Variants in IDH2 observed in about 807,000 individuals in gnomAD.
IDH2 encodes the protein isocitrate dehydrogenase [NADP], mitochondrial.
A neutral mutation model predicts 50.5 loss-of-function variants in IDH2; 18 were observed. That is an observed-to-expected ratio of 0.36 (90% CI 0.25 to 0.53). IDH2 has a LOEUF of 0.53. IDH2 is among the 20% of genes least tolerant of loss of function. The pLI, the probability that IDH2 is intolerant of heterozygous loss-of-function variation, is 0.92. For synonymous variants in IDH2, 280 were observed against 239.8 expected, an observed-to-expected ratio of 1.17 and a Z score of -1.55; for missense variants, 518 against 610.7, an observed-to-expected ratio of 0.85 and a Z score of 1.60.
Position 90,085,237 on chromosome 15 carries a change from G to A in IDH2, c.1080+38C>T. On this transcript the variant is annotated intron_variant, in intron 8 of 10. Coordinates refer to ENST00000330062, the MANE Select transcript of IDH2 (RefSeq NM_002168.4). The surrounding 1 kb of genome is among the most constrained non-coding windows in gnomAD (Gnocchi z 5.5). ...GCCCAGTGGGCTTTAGGCCCCTGGG[G>A]TAGAGGGGCATTGTGAGGCCCCATG... is the stretch of plus-strand genomic sequence containing the variant. The A allele has an allele frequency of 6.6e-7, 1 of 1,514,774 alleles. No individual in the cohort carries two copies. Among genetic ancestry groups the A allele is most frequent in the South Asian group, 1.2e-5 (1 of 85,926 alleles). 93.8% of individuals were successfully genotyped at this position (1,514,774 alleles called of 1,614,324 possible).
chr15:90,091,177 C>G (rs1039955733), intron 2 of IDH2, among the ~76,000 whole-genome samples: 14 of 152,234 alleles, frequency 9.2e-5, no homozygotes, highest in Admixed American at 2.6e-4. Flanking sequence ...CTCGTCACAA[C>G]TGCAGGCTGG....
intron 1 of IDH2, among the ~76,000 whole-genome samples, chr15:90,095,639 C>G (rs988268017): frequency 6.6e-6 from 1 of 152,170 alleles, no homozygotes; most frequent in Non-Finnish European, 1.5e-5. Flanking sequence ...GTCAAACCCT[C>G]AGAGACCACA....
chr15:90,094,875 C>A (rs554611699), intron 1 of IDH2, among the ~76,000 whole-genome samples: 2 of 151,102 alleles, frequency 1.3e-5, no homozygotes, highest in African/African-American at 4.9e-5. Flanking sequence ...GCACTCCAGC[C>A]TGGGCAACAG....
Position 90,084,290 on chromosome 15 carries a change from C to A in IDH2, c.1335G>T (p.Leu445=). 6.2e-7 allele frequency: 1 copy of A among 1,614,062 alleles called. No homozygotes were observed. Among genetic ancestry groups the A allele is most frequent in the Non-Finnish European group, 8.5e-7 (1 of 1,180,016 alleles). ...CCTACTGCCTGCCCAGGGCTCTGTC[C>A]AGGTTGCTCTTGATGGTGTCGAGGA... ...TDFLDTIKSN[L]DRALGRQ The change falls in exon 11 of 11, where the codon CTG becomes CTT. Residue 445 remains leucine, a synonymous_variant. Transcript: ENST00000330062. The surrounding 1 kb of genome is among the most constrained non-coding windows in gnomAD (Gnocchi z 5.0).
chr15:90,088,935 A>G (rs977994196), intron 3 of IDH2, among the ~76,000 whole-genome samples, 188 bp from the exon 4 acceptor site: 1 of 104,506 alleles, frequency 9.6e-6, no homozygotes, highest in Non-Finnish European at 1.9e-5. Context: ...TTTTTTTGAG[A>G]CAGAGTTTTG....
chr15:90,102,240 G>A (rs898792159), intron 1 of IDH2, 36 bp downstream of exon 1: 2 of 924,418 alleles, frequency 2.2e-6, no homozygotes, highest in East Asian at 7.2e-5. Flanking sequence ...GCAGCTGGGG[G>A]CGCGCGCCTG....
rs1901294225 is a variant in IDH2 at position 90,100,277 on chromosome 15, C to T, written c.115+1999G>A. Among the ~76,000 whole-genome samples, 1 of 152,178 alleles carries T rather than the reference C, an allele frequency of 6.6e-6. No homozygotes were observed. Among genetic ancestry groups the T allele is most frequent in the African/African-American group, 2.4e-5 (1 of 41,432 alleles). On this transcript the variant is annotated intron_variant, in intron 1 of 10. Transcript: ENST00000330062. The surrounding 1 kb of genome is among the most constrained non-coding windows in gnomAD (Gnocchi z 4.1). ...CCAGTAATCTGAGAGCAGTTTCCAG[C>T]ACCTCATACCCTGAATGGAACCAGC...
rs369320764 is a variant in IDH2, at chr15:90,100,110, C to T, written c.115+2166G>A. Among the ~76,000 whole-genome samples the T allele has an allele frequency of 2.6e-5, 4 of 152,148 alleles. No homozygotes were observed. The highest frequency in any genetic ancestry group is 9.7e-5 in the African/African-American group (4 of 41,420). On this transcript the variant is annotated intron_variant, in intron 1 of 10. Transcript: ENST00000330062. The surrounding 1 kb of genome is among the most constrained non-coding windows in gnomAD (Gnocchi z 4.1). The stretch of plus-strand genomic sequence containing the variant: ...ACCAGCAGCCTGCACCAGATGTACA[C>T]GGGTGGCATCTCTCTCCAGCAATAG...
intron 7 of IDH2, among the ~76,000 whole-genome samples, chr15:90,086,417 GAGTTTCA>G (rs1009971522): frequency 2.0e-5 from 3 of 151,784 alleles, no homozygotes; most frequent in African/African-American, 7.3e-5. Context: ...TTTGGAGACG[GAGTTTCA>G]CCCTTGTTGC....
chr15:90,095,242 A>G (rs985687025), intron 1 of IDH2, among the ~76,000 whole-genome samples: 19 of 152,130 alleles, frequency 1.2e-4, no homozygotes, highest in Non-Finnish European at 2.8e-4. Flanking sequence ...ACAGCCTTGG[A>G]CTATTCCATT....
chr15:90,094,954 A>C (rs1230715378), intron 1 of IDH2, among the ~76,000 whole-genome samples: 1 of 152,192 alleles, frequency 6.6e-6, no homozygotes, highest in Non-Finnish European at 1.5e-5. Flanking sequence ...CTGACAAGGG[A>C]CAGAATACCT....
intron 3 of IDH2, among the ~76,000 whole-genome samples, chr15:90,089,613 C>A (rs1900978505): frequency 6.6e-6 from 1 of 152,224 alleles, no homozygotes. Context: ...GTGGGTCAGG[C>A]ATGACCTGCA....
rs1361493482 is a variant in IDH2, at chr15:90,085,986, A to C, written c.968-599T>G. Among the ~76,000 whole-genome samples, 1 of 152,222 alleles carries C rather than the reference A, an allele frequency of 6.6e-6. No individual in the cohort carries two copies. Among genetic ancestry groups the C allele is most frequent in the African/African-American group, 2.4e-5 (1 of 41,454 alleles). ...ACATCTACAGGAAAATGCTTTGTCT[A>C]TGAATTCTAAGAATTTTGGCTGTAA... On this transcript the variant is annotated intron_variant, in intron 7 of 10. Coordinates refer to ENST00000330062, the MANE Select transcript of IDH2 (RefSeq NM_002168.4). The surrounding 1 kb of genome is among the most constrained non-coding windows in gnomAD (Gnocchi z 5.5).
At chr15:90,090,408 C>G in intron 3 of IDH2, 71 bp downstream of exon 3, 11 of 1,552,450 alleles carry the variant, frequency 7.1e-6, no homozygotes, top group Non-Finnish European at 9.7e-6. Flanking sequence ...ACTGCCCCAC[C>G]CCAAGTCTGG....
Position 90,088,837 on chromosome 15 carries a change from G to T in IDH2, c.374-90C>A, listed in dbSNP as rs185894042. ...CAAGCAACAACACAGCCAGACGGGG[G>T]TCCTAAAATTCTTCATGAGGAAGGC... On this transcript the variant is annotated intron_variant, in intron 3 of 10. Coordinates refer to ENST00000330062, the MANE Select transcript of IDH2 (RefSeq NM_002168.4). The T allele has an allele frequency of 2.0e-4, 282 of 1,430,524 alleles. No homozygotes were observed. In the African/African-American group the frequency reaches 3.4e-3, roughly 17 times the overall value. The allele number at this position is 1,430,524 out of a possible 1,614,324, so 88.6% of individuals were successfully genotyped here.
intron 3 of IDH2, among the ~76,000 whole-genome samples, chr15:90,089,986 CT>C (rs143579959): frequency 0.12 from 18,458 of 152,216 alleles, 1,327 homozygotes; most frequent in Middle Eastern, 0.2. Flanking sequence ...CAGCACTCCT[CT>C]GCACAATCTC....
chr15:90,084,113 A>G lies in IDH2; in HGVS notation c.*153T>C. 2 of 647,784 alleles carry G rather than the reference A, an allele frequency of 3.1e-6. No homozygotes were observed. The highest frequency in any genetic ancestry group is 5.5e-6 in the Non-Finnish European group (2 of 361,596). 40.1% of individuals were successfully genotyped at this position (647,784 alleles called of 1,614,324 possible). On this transcript the variant is annotated 3_prime_UTR_variant, in exon 11 of 11. Transcript: ENST00000330062. This position sits in a 1 kb window ranked among gnomAD's most constrained non-coding sequence, Gnocchi z 5.0. ...GCCTCACGTCACCATGAGGGGAAAC[A>G]CACATATGCTTTTAAAAACATCTGG...
chr15:90,088,578 C>G lies in IDH2; in HGVS notation c.534+9G>C, dbSNP rs2151549480. The G allele has an allele frequency of 6.2e-7, 1 of 1,614,212 alleles. No homozygotes were observed. Among genetic ancestry groups the G allele is most frequent in the Non-Finnish European group, 8.5e-7 (1 of 1,180,038 alleles). Reference sequence around the variant, plus strand: ...CAGGTCAGTGGATCCCCTCTCCACCCTGGCCTACCTGGTCGCCATGGGCGT... The same window carrying G: ...CAGGTCAGTGGATCCCCTCTCCACCGTGGCCTACCTGGTCGCCATGGGCGT... On this transcript the variant is annotated intron_variant, in intron 4 of 10. Transcript: ENST00000330062.
intron 1 of IDH2, among the ~76,000 whole-genome samples, chr15:90,093,065 G>C (rs925253485): frequency 2.0e-5 from 3 of 151,926 alleles, no homozygotes; most frequent in Admixed American, 6.6e-5. Context: ...TATGAAGGCA[G>C]AGGAGATCAA....
Sources: gnomAD v4.1 joint callset for allele counts (sites outside exome capture counted in the v4.1 genomes callset) on GRCh38, gnomAD v4.1.1 for gene constraint, Gnocchi (gnomAD v3.1) non-coding constraint, MANE v1.5 for transcripts, NCBI Gene and HGNC (gene_info 2026-07-23, HGNC 2026-07-21) for gene names.